ASTN1: variants seen among roughly 807,000 people sequenced by gnomAD.
The protein encoded by ASTN1 is astrotactin-1.
Under a neutral mutation model 140.7 loss-of-function variants are expected in ASTN1, and 41 were observed. The ratio of observed to expected loss-of-function variants is 0.29; its 90% CI spans 0.23 to 0.38. ASTN1 has a LOEUF of 0.38. Among genes scored for constraint, ASTN1 ranks in the 10% least tolerant of loss-of-function variants. The pLI is 1.00. For missense variants in ASTN1, 1,479 were observed against 1,678.8 expected (o/e 0.88, Z 2.08); for synonymous variants, 640 against 652.2 (o/e 0.98, Z 0.29).
At chr1:176,914,232 G>C (rs1313540527) in intron 16 of ASTN1, among the ~76,000 whole-genome samples, 1 of 152,198 alleles carries the variant, frequency 6.6e-6, no homozygotes, top group African/African-American at 2.4e-5. Flanking sequence ...TCTGACTCCA[G>C]GGTAGTCAAT....
At chr1:176,886,172 T>C (rs1407263179) in intron 18 of ASTN1, among the ~76,000 whole-genome samples, 2 of 152,190 alleles carry the variant, frequency 1.3e-5, no homozygotes, top group East Asian at 3.9e-4. Context: ...AAAACTAAAG[T>C]ATATTTTCGT....
rs775930827 is a variant in ASTN1, at chr1:176,963,914, C to T, written c.1598+1249G>A. 7.2e-5 allele frequency among the ~76,000 whole-genome samples: 11 copies of T among 152,310 alleles called. No individual in the cohort carries two copies. In the East Asian group the frequency reaches 7.7e-4, roughly 11 times the overall value. ...CTCTTGCAGCACAAATCCTCAAAAG[C>T]GGCCTGTAGCCAACGCCATTAGCTT... On this transcript the variant is annotated intron_variant, in intron 9 of 22. Transcript: ENST00000361833.
intron 9 of ASTN1, among the ~76,000 whole-genome samples, chr1:176,960,942 A>C (rs1161215733): frequency 1.3e-5 from 2 of 151,874 alleles, no homozygotes; most frequent in Non-Finnish European, 2.9e-5. Context: ...TGTGCACCTG[A>C]CTCAGAGCCC....
chr1:176,929,737 G>C (rs1041535117), intron 16 of ASTN1, among the ~76,000 whole-genome samples: 1 of 152,160 alleles, frequency 6.6e-6, no homozygotes, highest in Non-Finnish European at 1.5e-5. Context: ...GACCGGGCAC[G>C]GTGGCTCACG....
chr1:176,872,519 G>A (rs1289529932), intron 21 of ASTN1, among the ~76,000 whole-genome samples: 3 of 152,156 alleles, frequency 2.0e-5, no homozygotes, highest in Non-Finnish European at 1.5e-5. Context: ...AAGGAGAACC[G>A]AAAGGATTTG....
intron 1 of ASTN1, among the ~76,000 whole-genome samples, chr1:177,149,565 TAC>T: frequency 3.5e-5 from 3 of 84,586 alleles, no homozygotes; most frequent in Admixed American, 1.7e-4. Context: ...TAAATATATA[TAC>T]ACTGTATATA....
At position 177,023,362 on chromosome 1, in the gene ASTN1, G is replaced by C. The variant is rs1405196005; in HGVS notation, c.1438+42C>G. 2.6e-6 allele frequency: 4 copies of C among 1,535,578 alleles called. No homozygotes were observed. In the African/African-American group the frequency reaches 5.6e-5, roughly 21 times the overall value. ...TCAAGGGAGTGATTGCAAGAGGCAT[G>C]ATCTCTCTGACAGTTACCCGCTGCC... is the stretch of plus-strand genomic sequence containing the variant. On this transcript the variant is annotated intron_variant, in intron 7 of 22. Transcript: ENST00000361833.
chr1:176,990,041 C>T (rs1028609933), intron 8 of ASTN1, among the ~76,000 whole-genome samples: 4 of 151,988 alleles, frequency 2.6e-5, no homozygotes, highest in South Asian at 4.2e-4. Context: ...CCTGTCTTTT[C>T]TCCAGTGTCC....
intron 1 of ASTN1, among the ~76,000 whole-genome samples, chr1:177,086,363 GA>G (rs1007096856): frequency 2.6e-5 from 4 of 151,454 alleles, no homozygotes; most frequent in Non-Finnish European, 2.9e-5. Flanking sequence ...TTCTGAAGAA[GA>G]AAAAAAATAG....
chr1:176,880,921 C>T (rs1238726380), intron 20 of ASTN1, among the ~76,000 whole-genome samples: 1 of 152,192 alleles, frequency 6.6e-6, no homozygotes, highest in Admixed American at 6.5e-5. Flanking sequence ...TTCTCAGAGT[C>T]AGCACTCCAT....
chr1:176,875,407 G>A (rs1668520466), intron 21 of ASTN1, among the ~76,000 whole-genome samples: 1 of 152,194 alleles, frequency 6.6e-6, no homozygotes, highest in African/African-American at 2.4e-5. Flanking sequence ...ACATGAAAGA[G>A]TTTTAAGAAG....
chr1:177,132,341 C>T lies in ASTN1; in HGVS notation c.283+32053G>A, dbSNP rs1316756180. Among the ~76,000 whole-genome samples the T allele has an allele frequency of 5.9e-5, 9 of 152,280 alleles. No individual in the cohort carries two copies. In the East Asian group the frequency reaches 9.7e-4, roughly 16 times the overall value. ...CAGTTACTATCTTCAATTTGGACTT[C>T]GTCACCAGTAGAGATGAGTAGGTAC... On this transcript the variant is annotated intron_variant, in intron 1 of 22. Transcript: ENST00000361833.
At chr1:177,045,967 A>G (rs1449653112) in intron 2 of ASTN1, among the ~76,000 whole-genome samples, 8 of 152,330 alleles carry the variant, frequency 5.3e-5, no homozygotes, top group Non-Finnish European at 2.9e-5. Flanking sequence ...CTTTGAAACG[A>G]AAGTGCTAAT....
chr1:177,152,733 G>A (rs1410491525), intron 1 of ASTN1, among the ~76,000 whole-genome samples: 1 of 151,928 alleles, frequency 6.6e-6, no homozygotes, highest in East Asian at 1.9e-4. Context: ...AACCAGATAA[G>A]CCAGTTAAAG....
At chr1:176,990,453 A>G (rs897182819) in intron 8 of ASTN1, among the ~76,000 whole-genome samples, 13 of 152,040 alleles carry the variant, frequency 8.6e-5, no homozygotes, top group Non-Finnish European at 1.6e-4. Context: ...GAGGAAGACA[A>G]GGAGGAAGAT....
chr1:176,983,563 C>T (rs1174190193), intron 8 of ASTN1, among the ~76,000 whole-genome samples: 1 of 152,142 alleles, frequency 6.6e-6, no homozygotes, highest in Non-Finnish European at 1.5e-5. Flanking sequence ...AGCATTAACT[C>T]ATTCTGCACT....
At chr1:176,872,263 T>C (rs1414580041) in intron 21 of ASTN1, among the ~76,000 whole-genome samples, 1 of 151,924 alleles carries the variant, frequency 6.6e-6, no homozygotes, top group East Asian at 1.9e-4. Context: ...ATTTATCAAC[T>C]AAAATTGTTT....
intron 1 of ASTN1, among the ~76,000 whole-genome samples, chr1:177,088,184 TGGA>T (rs941247533): frequency 2.0e-5 from 3 of 152,212 alleles, no homozygotes; most frequent in African/African-American, 7.2e-5. Flanking sequence ...GTGACAGAAT[TGGA>T]CTGGAAATCC....
intron 2 of ASTN1, among the ~76,000 whole-genome samples, chr1:177,034,229 C>T (rs1167338311): frequency 2.1e-5 from 3 of 139,582 alleles, no homozygotes; most frequent in East Asian, 2.2e-4. Context: ...CTCTCACCAT[C>T]GCTGTGAGCA....
Sources: allele counts gnomAD v4.1 joint callset (sites outside exome capture counted in the v4.1 genomes callset), GRCh38; gene constraint gnomAD v4.1.1; transcripts MANE v1.5; gene names NCBI Gene and HGNC (gene_info 2026-07-23, HGNC 2026-07-21).